The following TTC17 variants were observed in gnomAD, a reference collection of about 807,000 sequenced individuals.
TTC17 encodes the protein tetratricopeptide repeat protein 17.
Under a neutral mutation model 143.8 loss-of-function variants are expected in TTC17, and 58 were observed. The observed-to-expected ratio is 0.40, with a 90% confidence interval of 0.33 to 0.50. TTC17 has a LOEUF of 0.50. Among genes scored for constraint, TTC17 ranks in the 20% least tolerant of loss-of-function variants. TTC17 has a pLI of 0.49. For synonymous variants in TTC17, 501 were observed against 497.8 expected, an observed-to-expected ratio of 1.01 and a Z score of -0.09; for missense variants, 1,273 against 1,392.5, an observed-to-expected ratio of 0.91 and a Z score of 1.37.
In TTC17 at chr11:43,405,628, A is replaced by G; in HGVS notation, c.1594A>G (p.Arg532Gly). ...YFLPPENKGL[R>G]IHELSSDDYS... The stretch of plus-strand genomic sequence containing the variant: ...TCTGCCTCCGGAAAACAAAGGACTC[A>G]GGCAAGTGGTGATGGATTTGGCAAA... Residue 532 changes from arginine (R) to glycine (G), a missense_variant and splice_region_variant, in exon 12 of 24, where the codon AGG (arginine) becomes GGG (glycine). By Grantham distance (125) the Arg-to-Gly change is moderately radical. This residue lies in a region of TTC17 where 878 missense variants were observed against 899.8 expected (regional missense o/e 0.98). Coordinates refer to ENST00000039989, the MANE Select transcript of TTC17 (RefSeq NM_018259.6). 1 of 1,613,908 alleles carries G rather than the reference A, an allele frequency of 6.2e-7. No individual in the cohort carries two copies. Among genetic ancestry groups the G allele is most frequent in the Non-Finnish European group, 8.5e-7 (1 of 1,179,818 alleles).
intron 18 of TTC17, among the ~76,000 whole-genome samples, chr11:43,445,286 T>C (rs1016191519): frequency 2.6e-5 from 4 of 152,186 alleles, no homozygotes; most frequent in African/African-American, 9.7e-5. Flanking sequence ...ATTGCCACTG[T>C]TTTTCTTTCT....
intron 21 of TTC17, among the ~76,000 whole-genome samples, chr11:43,485,031 C>G (rs758091308): frequency 6.6e-6 from 1 of 151,944 alleles, no homozygotes; most frequent in Non-Finnish European, 1.5e-5. Flanking sequence ...AAAACAAGCT[C>G]AGGGCTCCCA....
chr11:43,445,924 T>C (rs1266155481), intron 18 of TTC17: 2 of 1,146,450 alleles, frequency 1.7e-6, no homozygotes, highest in East Asian at 2.6e-5. Flanking sequence ...TTTCCTTTTT[T>C]GGTTAGGGCT....
chr11:43,466,715 GT>G, intron 21 of TTC17: 1 of 358,914 alleles, frequency 2.8e-6, no homozygotes, highest in Non-Finnish European at 5.5e-6. Context: ...ATGAGTCCCA[GT>G]TTTTCATCTG....
intron 2 of TTC17, among the ~76,000 whole-genome samples, chr11:43,384,887 G>C (rs1192524789): frequency 1.3e-5 from 2 of 152,092 alleles, no homozygotes; most frequent in African/African-American, 4.8e-5. Flanking sequence ...TAGGTTTTCA[G>C]AATTTTAGAT....
chr11:43,484,693 CAA>C (rs1219047036), intron 21 of TTC17, among the ~76,000 whole-genome samples: 2 of 151,978 alleles, frequency 1.3e-5, no homozygotes, highest in Admixed American at 1.3e-4. Context: ...TTTGATAAAA[CAA>C]GACATTATGC....
intron 21 of TTC17, among the ~76,000 whole-genome samples, chr11:43,453,496 G>T (rs1174380921): frequency 6.6e-6 from 1 of 152,138 alleles, no homozygotes; most frequent in African/African-American, 2.4e-5. Context: ...AGGAGCTATG[G>T]ATTTTATATG....
intron 21 of TTC17, among the ~76,000 whole-genome samples, chr11:43,461,582 G>A (rs1427615883): frequency 6.6e-6 from 1 of 152,098 alleles, no homozygotes; most frequent in Non-Finnish European, 1.5e-5. Flanking sequence ...CACTGAAAAA[G>A]TAAAGGAAGT....
chr11:43,397,206 C>A, intron 6 of TTC17, 141 bp from the exon 7 acceptor site: 1 of 920,020 alleles, frequency 1.1e-6, no homozygotes, highest in Non-Finnish European at 1.6e-6. Context: ...TAAGAGCCAT[C>A]AATAATTTAA....
At chr11:43,486,376 A>C (rs753630439) in intron 21 of TTC17, 29 of 446,052 alleles carry the variant, frequency 6.5e-5, no homozygotes, top group Non-Finnish European at 1.1e-4. Context: ...GATTGAAAAA[A>C]AATAGTAGAT....
intron 18 of TTC17, among the ~76,000 whole-genome samples, chr11:43,444,718 T>TACAC (rs1347466173): frequency 1.2e-4 from 11 of 91,100 alleles, no homozygotes; most frequent in Non-Finnish European, 2.4e-4. Flanking sequence ...GTTCACCAAA[T>TACAC]ACATACACAC....
chr11:43,467,894 C>T lies in TTC17; in HGVS notation c.3030+16629C>T, dbSNP rs184402318. ...ACATCCAAAAAAAAAAAAAATCCAA[C>T]ATACAGAATCCCAGGAGAAGAGGAG... On this transcript the variant is annotated intron_variant, in intron 21 of 23. Coordinates refer to ENST00000039989, the MANE Select transcript of TTC17 (RefSeq NM_018259.6). 1.2e-3 allele frequency among the ~76,000 whole-genome samples: 183 copies of T among 147,678 alleles called. 1 individual carries two copies. The highest frequency in any genetic ancestry group is 2.2e-3 in the Non-Finnish European group (150 of 67,066).
chr11:43,390,591 G>C (rs1857343536), intron 3 of TTC17, among the ~76,000 whole-genome samples: 3 of 150,204 alleles, frequency 2.0e-5, no homozygotes, highest in African/African-American at 7.4e-5. Flanking sequence ...ACTCCAGCCT[G>C]GGCGACAGAG....
intron 16 of TTC17, among the ~76,000 whole-genome samples, chr11:43,430,901 A>G (rs1947143370): frequency 6.6e-6 from 1 of 152,088 alleles, no homozygotes; most frequent in Non-Finnish European, 1.5e-5. Flanking sequence ...CCCGTCATCT[A>G]CATTAGGTAT....
intron 2 of TTC17, among the ~76,000 whole-genome samples, chr11:43,380,242 C>T (rs909254821): frequency 1.3e-5 from 2 of 152,100 alleles, no homozygotes; most frequent in Admixed American, 1.3e-4. Flanking sequence ...GCTGGCATAC[C>T]TGTTTTTTGT....
intron 21 of TTC17, among the ~76,000 whole-genome samples, chr11:43,457,691 T>C (rs534102384): frequency 6.6e-6 from 1 of 152,126 alleles, no homozygotes; most frequent in South Asian, 2.1e-4. Flanking sequence ...GAAAACTCAT[T>C]GAATGGGTTT....
chr11:43,392,952 C>G (rs561457903), intron 5 of TTC17, among the ~76,000 whole-genome samples: 8 of 152,200 alleles, frequency 5.3e-5, no homozygotes, highest in Non-Finnish European at 1.2e-4. Context: ...TCAAAGACCA[C>G]GGAAGAGCAT....
intron 16 of TTC17, among the ~76,000 whole-genome samples, chr11:43,434,513 C>T (rs983226583): frequency 1.3e-5 from 2 of 152,160 alleles, no homozygotes; most frequent in South Asian, 2.1e-4. Context: ...CACTGAGAAT[C>T]GGTTTCCTCA....
At chr11:43,399,850 A>G in intron 8 of TTC17, 38 bp from the exon 9 acceptor site, 2 of 1,562,180 alleles carry the variant, frequency 1.3e-6, no homozygotes, top group African/African-American at 1.4e-5. Flanking sequence ...TTATGATTTT[A>G]TAGCTCTAAC....
Sources: allele counts gnomAD v4.1 joint callset (sites outside exome capture counted in the v4.1 genomes callset), GRCh38; gene constraint gnomAD v4.1.1; regional missense constraint gnomAD v4.1.1; transcripts MANE v1.5; gene names NCBI Gene and HGNC (gene_info 2026-07-23, HGNC 2026-07-21).